The following CDCA2 variants were observed in gnomAD, a reference collection of about 807,000 sequenced individuals.
CDCA2 encodes cell division cycle-associated protein 2.
In CDCA2, 44 loss-of-function variants were observed where a neutral mutation model predicts 67.0. The ratio of observed to expected loss-of-function variants is 0.66; its 90% CI spans 0.52 to 0.84. CDCA2 has a LOEUF of 0.84. Among genes scored for constraint, CDCA2 ranks in the 40% least tolerant of loss-of-function variants. The probability of loss-of-function intolerance (pLI) is 0.00; values close to 1 mark genes in which losing one functional copy is unlikely to be tolerated. For missense variants in CDCA2, 1,253 were observed against 1,203.2 expected (o/e 1.04, Z -0.61); for synonymous variants, 447 against 418.7 (o/e 1.07, Z -0.82).
Position 25,507,336 on chromosome 8 carries a change from GCGACGTAGCA to G in CDCA2, c.2674_2683del (p.Arg892GlyfsTer6). 6.2e-7 allele frequency: 1 copy of G among 1,613,972 alleles called. No homozygotes were observed. The highest frequency in any genetic ancestry group is 8.5e-7 in the Non-Finnish European group (1 of 1,180,002). On this transcript the variant is annotated frameshift_variant, in exon 15 of 15. Transcript: ENST00000330560. LOFTEE classifies it low-confidence loss of function (END_TRUNC). ...AGAGGAGAAATAGTGAAACCAAAGT[GCGACGTAGCA>G]CGAGGCTACAGAAGGATTTAGAAAA... is the stretch of plus-strand genomic sequence containing the variant.
intron 7 of CDCA2, among the ~76,000 whole-genome samples, chr8:25,478,882 G>GTA (rs1803452175): frequency 1.9e-4 from 2 of 10,756 alleles, no homozygotes; most frequent in Non-Finnish European, 6.5e-4. Context: ...TACTTGTTGT[G>GTA]TGTGTGTATA....
chr8:25,482,604 C>G (rs1803614152), intron 8 of CDCA2, among the ~76,000 whole-genome samples: 1 of 152,208 alleles, frequency 6.6e-6, no homozygotes, highest in African/African-American at 2.4e-5. Context: ...CTCAGTGGCT[C>G]CCAGCTGTAA....
chr8:25,507,894 A>T lies in CDCA2; in HGVS notation c.*156A>T, dbSNP rs1804750083. ...AACCTACTTTTATGTAGAAATAAAT[A>T]AGTTTCTTCATCATTCAGATAGAAA... On this transcript the variant is annotated 3_prime_UTR_variant, in exon 15 of 15. Transcript: ENST00000330560. 3.4e-6 allele frequency: 2 copies of T among 585,530 alleles called. No individual in the cohort carries two copies. The highest frequency in any genetic ancestry group is 5.3e-6 in the Non-Finnish European group (2 of 378,776). The allele number at this position is 585,530 out of a possible 1,614,324, so 36.3% of individuals were successfully genotyped here.
At chr8:25,487,379 C>A in intron 12 of CDCA2, 45 bp downstream of exon 12, 1 of 1,267,834 alleles carries the variant, frequency 7.9e-7, no homozygotes, top group Non-Finnish European at 1.1e-6. Flanking sequence ...TTAAATCGTG[C>A]AATATACTTT....
intron 8 of CDCA2, among the ~76,000 whole-genome samples, chr8:25,480,398 T>G (rs1803523047): frequency 6.6e-6 from 1 of 152,132 alleles, no homozygotes; most frequent in African/African-American, 2.4e-5. Flanking sequence ...ATAATCTTAT[T>G]GCACTAACAT....
Position 25,460,482 on chromosome 8 carries a change from C to T in CDCA2, c.160C>T (p.Pro54Ser). The T allele has an allele frequency of 1.9e-6, 3 of 1,614,168 alleles. No homozygotes were observed. The South Asian group carries it at 3.3e-5, about 18-fold the overall frequency. The change falls in exon 3 of 15, where the codon CCT becomes TCT. Residue 54 changes from proline (P) to serine (S), a missense_variant. Transcript: ENST00000330560. ...NPCTPDTFKS[P>S]LNFSTVTVEQ... ...TTGCACACCAGATACTTTTAAATCA[C>T]CTTTGAACTTTTCCACAGTAACCGT...
chr8:25,461,694 G>A (rs955943819), intron 3 of CDCA2, among the ~76,000 whole-genome samples: 11 of 151,966 alleles, frequency 7.2e-5, no homozygotes, highest in African/African-American at 2.7e-4. Flanking sequence ...TCAGTTGCTG[G>A]GGATAAAACT....
Position 25,468,251 on chromosome 8 carries a change from T to C in CDCA2, c.573T>C (p.Ser191=), listed in dbSNP as rs769340918. ...RKEGLSACQQ[S]GFPAVLSSKR... ...AAGGTCTCAGCGCTTGCCAGCAGTC[T>C]GGGTTCCCTGCAGTGTTGTCCTCCA... Residue 191 remains serine, a synonymous_variant, in exon 6 of 15, where the codon TCT becomes TCC. Coordinates refer to ENST00000330560, the MANE Select transcript of CDCA2 (RefSeq NM_152562.4). 15 of 1,612,126 alleles carry C rather than the reference T, an allele frequency of 9.3e-6. No individual in the cohort carries two copies. The highest frequency in any genetic ancestry group is 1.3e-5 in the Non-Finnish European group (15 of 1,178,874).
At chr8:25,485,420 G>A (rs901618266) in intron 10 of CDCA2, among the ~76,000 whole-genome samples, 4 of 151,794 alleles carry the variant, frequency 2.6e-5, no homozygotes, top group African/African-American at 9.7e-5. Context: ...ACATTATAAC[G>A]TTAGATTGTG....
intron 7 of CDCA2, chr8:25,479,585 G>A: frequency 3.1e-6 from 1 of 321,680 alleles, no homozygotes. Context: ...CCAAGTAGTG[G>A]GTGTCATGAG....
At chr8:25,462,857 T>G (rs1802754872) in intron 4 of CDCA2, among the ~76,000 whole-genome samples, 2 of 152,098 alleles carry the variant, frequency 1.3e-5, no homozygotes, top group South Asian at 4.1e-4. Context: ...TAAAAATTTT[T>G]TTTTGTAGAG....
chr8:25,460,842 C>G (rs1586455284), intron 3 of CDCA2, among the ~76,000 whole-genome samples: 2 of 152,052 alleles, frequency 1.3e-5, no homozygotes, highest in East Asian at 1.9e-4. Context: ...GACCTGTCAC[C>G]TAGGATACAG....
chr8:25,498,692 G>T (rs1454182025), intron 13 of CDCA2, among the ~76,000 whole-genome samples: 1 of 151,936 alleles, frequency 6.6e-6, no homozygotes, highest in Non-Finnish European at 1.5e-5. Context: ...GCTTTCCCAT[G>T]GCCCTTTGTA....
chr8:25,492,146 C>A (rs1007427887), intron 13 of CDCA2, among the ~76,000 whole-genome samples: 1 of 151,756 alleles, frequency 6.6e-6, no homozygotes, highest in African/African-American at 2.4e-5. Context: ...GGGGGTCTCA[C>A]CTTGTTGCCC....
At chr8:25,470,875 T>C (rs979340651) in intron 7 of CDCA2, among the ~76,000 whole-genome samples, 2 of 151,886 alleles carry the variant, frequency 1.3e-5, no homozygotes, top group Non-Finnish European at 2.9e-5. Context: ...CATTCTTGTG[T>C]TTCAGCCTCC....
intron 4 of CDCA2, among the ~76,000 whole-genome samples, chr8:25,465,687 A>C (rs576307906): frequency 6.6e-6 from 1 of 152,290 alleles, no homozygotes; most frequent in East Asian, 1.9e-4. Context: ...AGAGCAGTGC[A>C]AGTGTAGTAT....
At chr8:25,496,960 G>A (rs1804247394) in intron 13 of CDCA2, among the ~76,000 whole-genome samples, 1 of 152,184 alleles carries the variant, frequency 6.6e-6, no homozygotes, top group South Asian at 2.1e-4. Context: ...AACGTAGAAA[G>A]TTGGGGTTTT....
intron 8 of CDCA2, 94 bp from the exon 9 acceptor site, chr8:25,483,305 G>T: frequency 1.5e-6 from 1 of 648,270 alleles, no homozygotes; most frequent in Non-Finnish European, 2.5e-6. Flanking sequence ...ATATCTATCT[G>T]CAGTTGACAG....
chr8:25,460,037 C>A (rs547467453), intron 1 of CDCA2, among the ~76,000 whole-genome samples: 1 of 152,012 alleles, frequency 6.6e-6, no homozygotes, highest in Admixed American at 6.5e-5. Flanking sequence ...GAATTGCATG[C>A]CTGTATCAAA....
Sources: gnomAD v4.1 joint callset for allele counts (sites outside exome capture counted in the v4.1 genomes callset) on GRCh38, gnomAD v4.1.1 for gene constraint, MANE v1.5 for transcripts, NCBI Gene and HGNC (gene_info 2026-07-23, HGNC 2026-07-21) for gene names.